Variants in PCDHGA7 observed in about 807,000 individuals in gnomAD.
PCDHGA7 encodes protocadherin gamma subfamily A, 7, also known as protocadherin gamma-A7.
Under a neutral mutation model 58.3 loss-of-function variants are expected in PCDHGA7, and 44 were observed. The observed-to-expected ratio is 0.75, with a 90% CI of 0.59 to 0.97. PCDHGA7 has a LOEUF of 0.97. PCDHGA7 is among the 50% of genes least tolerant of loss of function. The pLI, the probability that PCDHGA7 is intolerant of heterozygous loss-of-function variation, is 0.00. For missense variants in PCDHGA7, 1,266 were observed against 1,188.7 expected (o/e 1.06, Z -0.96); for synonymous variants, 516 against 504.2 (o/e 1.02, Z -0.31).
intron 1 of PCDHGA7, chr5:141,389,202 A>G (rs2091644944): frequency 6.2e-6 from 10 of 1,613,852 alleles, no homozygotes; most frequent in Non-Finnish European, 8.5e-6. Context: ...CACCCTGCAC[A>G]TTGGTGATGT....
Position 141,431,260 on chromosome 5 carries a change from G to C in PCDHGA7, c.2424+45937G>C, listed in dbSNP as rs762250032. On this transcript the variant is annotated intron_variant, in intron 1 of 3. Coordinates refer to ENST00000518325, the MANE Select transcript of PCDHGA7 (RefSeq NM_018920.4). The surrounding 1 kb of genome is among the most constrained non-coding windows in gnomAD (Gnocchi z 4.8). The stretch of plus-strand genomic sequence containing the variant: ...ATCCGGATATCGGGAAGAACTCTCT[G>C]CAGAGCTACGAGCTCAGCCCGAACA... 6.2e-7 allele frequency: 1 copy of C among 1,614,170 alleles called. No homozygotes were observed. Among genetic ancestry groups the C allele is most frequent in the Non-Finnish European group, 8.5e-7 (1 of 1,180,052 alleles).
At chr5:141,463,075 A>G (rs943294678) in intron 1 of PCDHGA7, among the ~76,000 whole-genome samples, 3 of 152,180 alleles carry the variant, frequency 2.0e-5, no homozygotes, top group East Asian at 1.9e-4. Context: ...ATGAAATTCA[A>G]ACATTTTCCA....
intron 1 of PCDHGA7, chr5:141,416,346 T>A (rs2096017940): frequency 6.6e-6 from 1 of 152,238 alleles, no homozygotes; most frequent in African/African-American, 2.4e-5. Flanking sequence ...TCAATAGGGA[T>A]CCTGAGGAGG....
At position 141,505,406 on chromosome 5, in the gene PCDHGA7, G is replaced by A. The variant is rs546453598; in HGVS notation, c.2497G>A (p.Asp833Asn). 61 of 1,614,174 alleles carry A rather than the reference G, an allele frequency of 3.8e-5. No individual in the cohort carries two copies. The highest frequency in any genetic ancestry group is 1.1e-4 in the East Asian group (5 of 44,866). ...RPGTSGSQNG[D>N]DTGTWPNNQF... Reference sequence around the variant, plus strand: ...CTCTCTCCCCAGCTCCCAAAATGGCGATGACACCGGCACCTGGCCCAACAA... The same window carrying A: ...CTCTCTCCCCAGCTCCCAAAATGGCAATGACACCGGCACCTGGCCCAACAA... Residue 833 changes from aspartate to asparagine, a missense_variant, in exon 3 of 4, where the codon GAT (aspartate) becomes AAT (asparagine). Transcript: ENST00000518325.
At position 141,489,078 on chromosome 5, in the gene PCDHGA7, G is replaced by A. The variant is rs990356560; in HGVS notation, c.2425-5729G>A. ...GCTCCCCTCCCCCCTGCCCACCCCC[G>A]CCACTCGGTGACTAAGAACTGCTGC... On this transcript the variant is annotated intron_variant, in intron 1 of 3. Transcript: ENST00000518325. The surrounding 1 kb of genome is among the most constrained non-coding windows in gnomAD (Gnocchi z 4.5). 6.9e-5 allele frequency: 11 copies of A among 160,224 alleles called. 1 individual carries two copies. Among genetic ancestry groups the A allele is most frequent in the Admixed American group, 3.7e-4 (4 of 10,708 alleles). The allele number at this position is 160,224 out of a possible 1,614,324, so 9.9% of individuals were successfully genotyped here.
At chr5:141,492,163 C>G (rs921256341) in intron 1 of PCDHGA7, among the ~76,000 whole-genome samples, 3 of 152,232 alleles carry the variant, frequency 2.0e-5, no homozygotes, top group Admixed American at 6.5e-5. Flanking sequence ...CCTCCCTATC[C>G]CCGCATCACC....
intron 1 of PCDHGA7, chr5:141,478,583 C>G: frequency 6.3e-7 from 1 of 1,578,146 alleles, no homozygotes; most frequent in Non-Finnish European, 8.6e-7. Context: ...CCTGTTAGTG[C>G]TTTTTTATTC....
intron 1 of PCDHGA7, chr5:141,441,144 T>C (rs141609485): frequency 6.6e-6 from 1 of 152,296 alleles, no homozygotes; most frequent in African/African-American, 2.4e-5. Context: ...TAGAAGATAA[T>C]GACAATATCC....
At chr5:141,446,922 T>G (rs939249512) in intron 1 of PCDHGA7, among the ~76,000 whole-genome samples, 1 of 152,220 alleles carries the variant, frequency 6.6e-6, no homozygotes, top group Non-Finnish European at 1.5e-5. Context: ...TTTATCTTCC[T>G]GATCTCTTTT....
At chr5:141,424,491 G>T (rs2096824224) in intron 1 of PCDHGA7, 1 of 152,122 alleles carries the variant, frequency 6.6e-6, no homozygotes, top group South Asian at 2.1e-4. Context: ...GTCTGTGTTT[G>T]TATGTATGGA....
At chr5:141,509,275 G>A (rs185255724) in intron 3 of PCDHGA7, among the ~76,000 whole-genome samples, 1 of 152,096 alleles carries the variant, frequency 6.6e-6, no homozygotes, top group East Asian at 1.9e-4. Flanking sequence ...CTCGCTACCC[G>A]CTCCCAGGGT....
intron 1 of PCDHGA7, chr5:141,396,643 A>C (rs1271446592): frequency 6.6e-6 from 1 of 152,180 alleles, no homozygotes; most frequent in Admixed American, 6.5e-5. Context: ...ACTAATATTA[A>C]TAGTAAAAAC....
At position 141,431,914 on chromosome 5, in the gene PCDHGA7, C is replaced by A. The variant is rs745837291; in HGVS notation, c.2424+46591C>A. 6.2e-7 allele frequency: 1 copy of A among 1,613,912 alleles called. No individual in the cohort carries two copies. Among genetic ancestry groups the A allele is most frequent in the African/African-American group, 1.3e-5 (1 of 75,070 alleles). On this transcript the variant is annotated intron_variant, in intron 1 of 3. Transcript: ENST00000518325. The surrounding 1 kb of genome is among the most constrained non-coding windows in gnomAD (Gnocchi z 4.8). ...AGGAAAACGGACAGGTGATCTGTTT[C>A]ATCCAAGGAAATCTGCCCTTTAAAT...
In PCDHGA7 at chr5:141,485,979, C is replaced by G; in HGVS notation, c.2425-8828C>G. 1 of 1,614,182 alleles carries G rather than the reference C, an allele frequency of 6.2e-7. No individual in the cohort carries two copies. Among genetic ancestry groups the G allele is most frequent in the Non-Finnish European group, 8.5e-7 (1 of 1,180,022 alleles). On this transcript the variant is annotated intron_variant, in intron 1 of 3. Coordinates refer to ENST00000518325, the MANE Select transcript of PCDHGA7 (RefSeq NM_018920.4). The surrounding 1 kb of genome is among the most constrained non-coding windows in gnomAD (Gnocchi z 5.7). ...CTCATCCAGCTCAATGCCTCAGACC[C>G]GGACCTGGGTCCCAGTGGTAACGTC...
intron 1 of PCDHGA7, chr5:141,404,984 C>T (rs779919758): frequency 6.2e-7 from 1 of 1,614,034 alleles, no homozygotes; most frequent in African/African-American, 1.3e-5. Context: ...CCTGGGCAGT[C>T]TTCAGATCCC....
At chr5:141,417,770 T>G in intron 1 of PCDHGA7, 1 of 1,456,418 alleles carries the variant, frequency 6.9e-7, no homozygotes, top group Non-Finnish European at 9.1e-7. Context: ...CCGGGACTCC[T>G]CCTGTCCTGG....
chr5:141,459,404 G>C (rs2098967432), intron 1 of PCDHGA7, among the ~76,000 whole-genome samples: 1 of 152,182 alleles, frequency 6.6e-6, no homozygotes, highest in Non-Finnish European at 1.5e-5. Flanking sequence ...GAGCAGTATT[G>C]CATTGTGTGG....
intron 1 of PCDHGA7, among the ~76,000 whole-genome samples, chr5:141,471,744 A>G (rs2099263733): frequency 6.6e-6 from 1 of 152,208 alleles, no homozygotes; most frequent in South Asian, 2.1e-4. Context: ...GAGACATAAC[A>G]TATTTGAGGG....
chr5:141,391,083 G>A (rs974357992), intron 1 of PCDHGA7: 1 of 152,152 alleles, frequency 6.6e-6, no homozygotes, highest in East Asian at 1.9e-4. Context: ...ATGTGTAACT[G>A]CCTTATCTGC....
Sources: gnomAD v4.1 joint callset for allele counts (sites outside exome capture counted in the v4.1 genomes callset) on GRCh38, gnomAD v4.1.1 for gene constraint, Gnocchi (gnomAD v3.1) non-coding constraint, MANE v1.5 for transcripts, NCBI Gene and HGNC (gene_info 2026-07-23, HGNC 2026-07-21) for gene names.